Variants in PRR11 observed in about 807,000 individuals in gnomAD.
PRR11 encodes proline-rich protein 11.
Under a neutral mutation model 45.6 loss-of-function variants are expected in PRR11, and 30 were observed. The ratio of observed to expected loss-of-function variants is 0.66; its 90% CI spans 0.49 to 0.89. The LOEUF is 0.89. Ranked by LOEUF, PRR11 falls within the 40% of genes least tolerant of loss-of-function variation. PRR11 has a pLI of 0.00. For synonymous variants in PRR11, 128 were observed against 153.5 expected, an observed-to-expected ratio of 0.83 and a Z score of 1.23; for missense variants, 373 against 424.8, an observed-to-expected ratio of 0.88 and a Z score of 1.07.
chr17:59,189,310 T>A (rs146361427), intron 4 of PRR11, among the ~76,000 whole-genome samples: 286 of 150,786 alleles, frequency 1.9e-3, no homozygotes, highest in African/African-American at 6.4e-3. Context: ...AAAATATTAT[T>A]TGAGACAAAA....
At chr17:59,183,257 G>T (rs1310644187) in intron 2 of PRR11, among the ~76,000 whole-genome samples, 1 of 152,178 alleles carries the variant, frequency 6.6e-6, no homozygotes, top group Non-Finnish European at 1.5e-5. Flanking sequence ...CCCAGCAGAG[G>T]CTGTGTCTTC....
At chr17:59,163,854 C>CA (rs2046666029) in intron 1 of PRR11, among the ~76,000 whole-genome samples, 1 of 152,140 alleles carries the variant, frequency 6.6e-6, no homozygotes, top group African/African-American at 2.4e-5. Flanking sequence ...ATCTCGACGT[C>CA]AGGAGTTCAA....
chr17:59,170,986 G>A (rs551963055), intron 2 of PRR11, among the ~76,000 whole-genome samples: 4 of 152,202 alleles, frequency 2.6e-5, no homozygotes, highest in Admixed American at 6.5e-5. Flanking sequence ...ACGGCCAGGC[G>A]CGGTGGCTCA....
At chr17:59,170,013 G>A in intron 2 of PRR11, 133 bp downstream of exon 2, 1 of 1,199,612 alleles carries the variant, frequency 8.3e-7, no homozygotes, top group Non-Finnish European at 1.1e-6. Flanking sequence ...AGCACTTTGG[G>A]AGGCCGAGGT....
Position 59,194,267 on chromosome 17 carries a change from T to A in PRR11, c.646-490T>A, listed in dbSNP as rs866187869. 3.5e-3 allele frequency among the ~76,000 whole-genome samples: 498 copies of A among 141,162 alleles called. 6 individuals carry two copies. The highest frequency in any genetic ancestry group is 0.012 in the African/African-American group (472 of 38,760). The allele number at this position is 141,162 out of a possible 152,430, so 92.6% of individuals were successfully genotyped here. ...ATTAAATCCAGAGTCTTCCCAATCC[T>A]CACACACACACACACACACACACAC... On this transcript the variant is annotated intron_variant, in intron 5 of 9. Transcript: ENST00000262293.
chr17:59,177,769 A>G (rs2046756203), intron 2 of PRR11, among the ~76,000 whole-genome samples: 1 of 152,174 alleles, frequency 6.6e-6, no homozygotes, highest in Non-Finnish European at 1.5e-5. Context: ...TGATCCCAGA[A>G]GTTTGAGAGG....
chr17:59,186,496 G>A (rs926606756), intron 4 of PRR11, among the ~76,000 whole-genome samples: 3 of 144,526 alleles, frequency 2.1e-5, no homozygotes, highest in South Asian at 2.2e-4. Flanking sequence ...ACTGGCTCAA[G>A]GGATCCTCCT....
chr17:59,168,143 TTTTTATTTTA>T (rs149225177), intron 1 of PRR11, among the ~76,000 whole-genome samples: 51 of 150,804 alleles, frequency 3.4e-4, no homozygotes, highest in African/African-American at 9.6e-4. Flanking sequence ...CTAGGTAATG[TTTTTATTTTA>T]TTTTATTTTA....
chr17:59,176,584 C>T (rs1234865531), intron 2 of PRR11, among the ~76,000 whole-genome samples: 3 of 151,770 alleles, frequency 2.0e-5, no homozygotes, highest in African/African-American at 2.4e-5. Context: ...GCATCGTGTC[C>T]GCTCCTTTGC....
chr17:59,201,595 G>C lies in PRR11; in HGVS notation c.1047G>C (p.Leu349=). 1 of 1,612,946 alleles carries C rather than the reference G, an allele frequency of 6.2e-7. No individual in the cohort carries two copies. Among genetic ancestry groups the C allele is most frequent in the Non-Finnish European group, 8.5e-7 (1 of 1,179,974 alleles). The change falls in exon 10 of 10, where the codon CTG becomes CTC. Residue 349 remains leucine, a synonymous_variant. Transcript: ENST00000262293. The stretch of plus-strand genomic sequence containing the variant: ...ACCCTAGAAGCCCAACTCCAACTCT[G>C]CCACTTTCTACAAGCAGCTTTGATG... ...LAHPRSPTPT[L]PLSTSSFDEQ... is the part of the protein sequence containing the mutation.
In PRR11 at chr17:59,167,664, G is replaced by A. The variant is rs139626492; in HGVS notation, c.-5-2084G>A. Among the ~76,000 whole-genome samples, 15 of 152,306 alleles carry A rather than the reference G, an allele frequency of 9.8e-5. No homozygotes were observed. In the East Asian group the frequency reaches 2.7e-3, roughly 27 times the overall value. Reference sequence around the variant, plus strand: ...ATGAGTTTTCTGGGGAAAGGGTGGGGATTTCCCAGAACTGAGGGTTCCTTC... The same window carrying A: ...ATGAGTTTTCTGGGGAAAGGGTGGGAATTTCCCAGAACTGAGGGTTCCTTC... On this transcript the variant is annotated intron_variant, in intron 1 of 9. Coordinates refer to ENST00000262293, the MANE Select transcript of PRR11 (RefSeq NM_018304.4).
At chr17:59,178,420 C>T (rs1599698634) in intron 2 of PRR11, 2 of 482,626 alleles carry the variant, frequency 4.1e-6, no homozygotes, top group African/African-American at 2.0e-5. Context: ...GCTGCACCCT[C>T]CCCCTGGCAG....
At chr17:59,193,330 A>G (rs1432279479) in intron 4 of PRR11, among the ~76,000 whole-genome samples, 162 bp from the exon 5 acceptor site, 1 of 152,222 alleles carries the variant, frequency 6.6e-6, no homozygotes, top group Non-Finnish European at 1.5e-5. Context: ...TAAACTAATG[A>G]ATGAAATGAA....
chr17:59,188,215 C>T (rs539452290), intron 4 of PRR11, among the ~76,000 whole-genome samples: 8 of 152,224 alleles, frequency 5.3e-5, no homozygotes, highest in African/African-American at 1.9e-4. Flanking sequence ...ACACAAAAAA[C>T]AGAAATGCAA....
chr17:59,165,645 A>G (rs1028170798), intron 1 of PRR11, among the ~76,000 whole-genome samples: 2 of 150,114 alleles, frequency 1.3e-5, no homozygotes, highest in African/African-American at 2.5e-5. Flanking sequence ...ATACAAAATT[A>G]GCCGGGCGTG....
At position 59,169,870 on chromosome 17, in the gene PRR11, T is replaced by C; in HGVS notation, c.118T>C (p.Ser40Pro). 1.9e-6 allele frequency: 3 copies of C among 1,602,706 alleles called. No individual in the cohort carries two copies. The highest frequency in any genetic ancestry group is 2.5e-6 in the Non-Finnish European group (3 of 1,176,650). The change falls in exon 2 of 10, where the codon TCA becomes CCA. Residue 40 changes from serine (S) to proline (P), a missense_variant. Ser to Pro is a moderately conservative substitution (Grantham distance 74, BLOSUM62 -1). Coordinates refer to ENST00000262293, the MANE Select transcript of PRR11 (RefSeq NM_018304.4). ...KLITPPPPPPSPERVGISSID... is the reference protein window; with the variant it reads ...KLITPPPPPPPPERVGISSID... The stretch of plus-strand genomic sequence containing the variant: ...AATTACACCTCCTCCTCCACCACCC[T>C]CACCAGAAAGGTAAGGCTTAATGTG...
At chr17:59,163,184 G>A (rs1429624683) in intron 1 of PRR11, among the ~76,000 whole-genome samples, 2 of 151,884 alleles carry the variant, frequency 1.3e-5, no homozygotes, top group East Asian at 3.9e-4. Context: ...TCTGCCTCCC[G>A]GGTTCAAGAG....
intron 1 of PRR11, among the ~76,000 whole-genome samples, chr17:59,162,799 G>A (rs2147832887): frequency 6.7e-6 from 1 of 148,520 alleles, no homozygotes; most frequent in Non-Finnish European, 1.5e-5. Context: ...CACGATCTCG[G>A]CTCACCGCAA....
Position 59,205,973 on chromosome 17 carries a change from C to T in PRR11, c.*4342C>T, listed in dbSNP as rs569402737. Among the ~76,000 whole-genome samples the T allele has an allele frequency of 5.3e-5, 8 of 151,802 alleles. No homozygotes were observed. The highest frequency in any genetic ancestry group is 4.2e-4 in the South Asian group (2 of 4,814). On this transcript the variant is annotated 3_prime_UTR_variant, in exon 10 of 10. Coordinates refer to ENST00000262293, the MANE Select transcript of PRR11 (RefSeq NM_018304.4). Reference sequence around the variant, plus strand: ...GACTGAGGCGTGAGAATCACTTGAACGATGGAAGTGGAGGTTGCAGTGAGC... The same window carrying T: ...GACTGAGGCGTGAGAATCACTTGAATGATGGAAGTGGAGGTTGCAGTGAGC...
Sources: allele counts gnomAD v4.1 joint callset (sites outside exome capture counted in the v4.1 genomes callset), GRCh38; gene constraint gnomAD v4.1.1; transcripts MANE v1.5; gene names NCBI Gene and HGNC (gene_info 2026-07-23, HGNC 2026-07-21).